DNM3: variants seen among roughly 807,000 people sequenced by gnomAD.
The protein encoded by DNM3 is dynamin-3.
In DNM3, 47 loss-of-function variants were observed where a neutral mutation model predicts 101.6. That is an observed-to-expected ratio of 0.46 (90% CI 0.37 to 0.59). The LOEUF (loss-of-function observed/expected upper bound fraction) is 0.59. Ranked by LOEUF, DNM3 falls within the 20% of genes least tolerant of loss-of-function variation. The pLI is 0.00. For missense variants in DNM3, 849 were observed against 1,085.7 expected (o/e 0.78, Z 3.06); for synonymous variants, 385 against 387.9 (o/e 0.99, Z 0.09).
At chr1:172,154,863 A>AGAGG (rs1336480482) in intron 14 of DNM3, among the ~76,000 whole-genome samples, 2 of 152,080 alleles carry the variant, frequency 1.3e-5, no homozygotes, top group East Asian at 3.9e-4. Flanking sequence ...GAGAATGAGA[A>AGAGG]GAGGGAAGGA....
At chr1:172,201,674 A>T (rs901206630) in intron 14 of DNM3, among the ~76,000 whole-genome samples, 2 of 152,308 alleles carry the variant, frequency 1.3e-5, no homozygotes, top group East Asian at 3.9e-4. Context: ...CTCCTTCATT[A>T]GTGCAAGGGT....
intron 10 of DNM3, among the ~76,000 whole-genome samples, chr1:172,053,992 A>G (rs1382322995): frequency 6.6e-6 from 1 of 152,214 alleles, no homozygotes; most frequent in African/African-American, 2.4e-5. Flanking sequence ...AGGGAGTGCT[A>G]TGAATACTTT....
At chr1:172,380,807 T>G (rs2068853264) in intron 18 of DNM3, 3 of 151,960 alleles carry the variant, frequency 2.0e-5, no homozygotes, top group Admixed American at 1.3e-4. Flanking sequence ...CTTGCTTATT[T>G]AAACATTTTC....
intron 15 of DNM3, among the ~76,000 whole-genome samples, chr1:172,288,241 G>A (rs1557937251): frequency 1.3e-5 from 2 of 152,300 alleles, no homozygotes; most frequent in South Asian, 2.1e-4. Context: ...TCCATTTGGG[G>A]ATTTCAGGGA....
Position 172,410,418 on chromosome 1 carries a change from A to G in DNM3, c.*2577A>G. ...TTGTAAACACAATAGATGTAGCTCT[A>G]TCATGTCTAGCATAATTTAAAAAAT... On this transcript the variant is annotated 3_prime_UTR_variant, in exon 21 of 21. Transcript: ENST00000627582. 1.0e-6 allele frequency: 1 copy of G among 985,148 alleles called. No homozygotes were observed. The allele number at this position is 985,148 out of a possible 1,614,324, so 61.0% of individuals were successfully genotyped here. A position where few individuals can be genotyped will look rare whatever the true frequency, so the allele number is the denominator to read the frequency against.
chr1:172,398,349 G>T (rs1461851135), intron 20 of DNM3, among the ~76,000 whole-genome samples: 1 of 152,118 alleles, frequency 6.6e-6, no homozygotes, highest in East Asian at 1.9e-4. Context: ...CAGGCCAGCA[G>T]GATGAGGTAA....
At chr1:172,338,600 G>A (rs1382868231) in intron 17 of DNM3, among the ~76,000 whole-genome samples, 2 of 152,144 alleles carry the variant, frequency 1.3e-5, no homozygotes, top group Non-Finnish European at 1.5e-5. Flanking sequence ...AACGACTGTT[G>A]GCAATCCCCA....
At chr1:172,307,243 AAAG>A (rs1276340578) in intron 15 of DNM3, among the ~76,000 whole-genome samples, 1 of 152,250 alleles carries the variant, frequency 6.6e-6, no homozygotes, top group African/African-American at 2.4e-5. Context: ...ATACTTCTCA[AAAG>A]AAAACATTTA....
chr1:172,328,933 G>C (rs554596294), intron 17 of DNM3, among the ~76,000 whole-genome samples: 12 of 152,226 alleles, frequency 7.9e-5, no homozygotes, highest in Admixed American at 2.0e-4. Flanking sequence ...TCCTGCCTCA[G>C]CCTCCCAAAG....
At chr1:172,331,103 T>C (rs2066164570) in intron 17 of DNM3, among the ~76,000 whole-genome samples, 1 of 152,216 alleles carries the variant, frequency 6.6e-6, no homozygotes, top group Non-Finnish European at 1.5e-5. Context: ...TTCAATAGTG[T>C]CTTTGTTTCA....
chr1:172,020,334 C>T (rs777716634), intron 4 of DNM3, among the ~76,000 whole-genome samples: 3 of 152,108 alleles, frequency 2.0e-5, no homozygotes, highest in Non-Finnish European at 4.4e-5. Context: ...TGGAGTTAGA[C>T]ATGTCCTTTG....
intron 20 of DNM3, 68 bp downstream of exon 20, chr1:172,388,877 A>G: frequency 2.4e-6 from 3 of 1,268,394 alleles, no homozygotes; most frequent in Non-Finnish European, 3.3e-6. Flanking sequence ...TGACAGACAA[A>G]ATTTATTTGA....
intron 1 of DNM3, among the ~76,000 whole-genome samples, chr1:171,898,705 T>TAG (rs60596739): frequency 0.11 from 16,703 of 150,302 alleles, 1,051 homozygotes; most frequent in African/African-American, 0.17. Flanking sequence ...TATATATATA[T>TAG]AGAGAGAGAG....
At chr1:172,164,307 G>A (rs901635147) in intron 14 of DNM3, among the ~76,000 whole-genome samples, 1 of 147,048 alleles carries the variant, frequency 6.8e-6, no homozygotes, top group African/African-American at 2.6e-5. Flanking sequence ...CAGTGTTAAG[G>A]TCTGTGTTCA....
At position 171,987,219 on chromosome 1, in the gene DNM3, T is replaced by C. The variant is rs930963700; in HGVS notation, c.236-437T>C. 9.4e-6 allele frequency: 7 copies of C among 743,062 alleles called. No homozygotes were observed. The African/African-American group carries it at 1.3e-4, about 14-fold the overall frequency. The allele number at this position is 743,062 out of a possible 1,614,324, so 46.0% of individuals were successfully genotyped here. On this transcript the variant is annotated intron_variant, in intron 2 of 20. Coordinates refer to ENST00000627582, the MANE Select transcript of DNM3 (RefSeq NM_015569.5). ...AATTAAATGATTTCCCTTAACTTAT[T>C]TTGCCTTCTGAAGATATATTTATAT...
At chr1:171,896,774 A>C (rs534774937) in intron 1 of DNM3, among the ~76,000 whole-genome samples, 5 of 152,134 alleles carry the variant, frequency 3.3e-5, no homozygotes, top group Non-Finnish European at 7.4e-5. Flanking sequence ...AAATGGTTAT[A>C]TTCCTTCATC....
rs755957946 is a variant in DNM3 at position 172,323,289 on chromosome 1, A to C, written c.1882-40A>C. ...ATAATTTTAAAATAAATTTCTGTTT[A>C]ACATATTTCTCTTTCTTTTCCTTGC... On this transcript the variant is annotated intron_variant, in intron 16 of 20. Transcript: ENST00000627582. The C allele has an allele frequency of 6.4e-6, 10 of 1,560,714 alleles. No homozygotes were observed. The African/African-American group carries it at 1.4e-4, about 21-fold the overall frequency.
chr1:172,020,305 A>C (rs538261908), intron 4 of DNM3, among the ~76,000 whole-genome samples: 4 of 152,074 alleles, frequency 2.6e-5, no homozygotes, highest in Non-Finnish European at 5.9e-5. Context: ...CTTCCCCTAT[A>C]TAGAAGGCTA....
intron 4 of DNM3, among the ~76,000 whole-genome samples, chr1:172,031,083 C>T (rs766618949): frequency 2.0e-5 from 3 of 152,064 alleles, no homozygotes; most frequent in Non-Finnish European, 4.4e-5. Context: ...AATTATTCTA[C>T]TATAAAGACA....
Sources: allele counts gnomAD v4.1 joint callset (sites outside exome capture counted in the v4.1 genomes callset), GRCh38; gene constraint gnomAD v4.1.1; transcripts MANE v1.5; gene names NCBI Gene and HGNC (gene_info 2026-07-23, HGNC 2026-07-21).